Variants in CTNNA2 observed in about 807,000 individuals in gnomAD.
The protein encoded by CTNNA2 is catenin alpha 2.
CTNNA2 carries 42 observed loss-of-function variants against 101.0 expected under a neutral mutation model. The observed-to-expected ratio is 0.42, with a 90% CI of 0.32 to 0.54. The LOEUF (loss-of-function observed/expected upper bound fraction) is 0.54. CTNNA2 is among the 20% of genes least tolerant of loss of function. The pLI is 0.14. For missense variants in CTNNA2, 871 were observed against 1,223.1 expected (o/e 0.71, Z 4.29); for synonymous variants, 450 against 456.4 (o/e 0.99, Z 0.18).
At chr2:80,173,000 A>T (rs967034645) in intron 7 of CTNNA2, among the ~76,000 whole-genome samples, 1 of 152,228 alleles carries the variant, frequency 6.6e-6, no homozygotes, top group African/African-American at 2.4e-5. Context: ...GTACTTTAAC[A>T]TATAAATTTG....
chr2:79,508,192 A>G (rs1278820660), upstream of CTNNA2, among the ~76,000 whole-genome samples: 1 of 152,166 alleles, frequency 6.6e-6, no homozygotes, highest in Non-Finnish European at 1.5e-5. Context: ...AATATTTTTG[A>G]TGATCCCCTG....
intron 2 of CTNNA2, among the ~76,000 whole-genome samples, chr2:79,282,405 C>T (rs1329693183): frequency 7.9e-5 from 12 of 152,100 alleles, no homozygotes; most frequent in East Asian, 3.9e-4. Context: ...TATCCCTCCC[C>T]GCTCCCCCCA....
intron 3 of CTNNA2, among the ~76,000 whole-genome samples, chr2:79,357,610 A>G (rs947518654): frequency 6.6e-6 from 1 of 152,188 alleles, no homozygotes; most frequent in Non-Finnish European, 1.5e-5. Flanking sequence ...AAGACAGCCA[A>G]CCAAAGACTC....
In CTNNA2 at chr2:79,271,517, G is replaced by A. The variant is rs575427527; in HGVS notation, c.-405-41192G>A. 2.0e-5 allele frequency among the ~76,000 whole-genome samples: 3 copies of A among 152,226 alleles called. No homozygotes were observed. The South Asian group carries it at 6.2e-4, about 32-fold the overall frequency. ...ATTTATTCCTTATGAAGTAGCTAAT[G>A]TGATTAGCTTTTTGGTATGTGTGCA... is the stretch of plus-strand genomic sequence containing the variant. On this transcript the variant is annotated intron_variant, in intron 2 of 21. Transcript: ENST00000466387.
intron 7 of CTNNA2, among the ~76,000 whole-genome samples, chr2:80,204,746 C>A (rs997431825): frequency 2.6e-5 from 4 of 151,862 alleles, no homozygotes; most frequent in African/African-American, 9.7e-5. Flanking sequence ...TCAGCAGCGC[C>A]CCACTCTACT....
At chr2:80,614,605 A>T (rs2149794847) in intron 17 of CTNNA2, among the ~76,000 whole-genome samples, 1 of 151,624 alleles carries the variant, frequency 6.6e-6, no homozygotes, top group South Asian at 2.1e-4. Flanking sequence ...AAGCTTCCCC[A>T]TAAGACATAT....
chr2:79,957,045 C>G (rs1689288281), intron 7 of CTNNA2, among the ~76,000 whole-genome samples: 1 of 151,860 alleles, frequency 6.6e-6, no homozygotes, highest in African/African-American at 2.4e-5. Flanking sequence ...ATCCCCAGAT[C>G]CTCTTCTGTA....
intron 1 of CTNNA2, among the ~76,000 whole-genome samples, chr2:79,605,756 T>A (rs1031418796): frequency 2.5e-4 from 38 of 151,902 alleles, no homozygotes; most frequent in Middle Eastern, 6.8e-3. Flanking sequence ...ATGATGATAA[T>A]AATAATAATA....
intron 2 of CTNNA2, among the ~76,000 whole-genome samples, chr2:79,735,114 A>G (rs961007117): frequency 2.0e-5 from 3 of 152,094 alleles, no homozygotes; most frequent in African/African-American, 7.2e-5. Context: ...TCCTTAAGCA[A>G]ACTAAATGTT....
chr2:79,533,299 C>T (rs1340275427), intron 1 of CTNNA2, among the ~76,000 whole-genome samples: 1 of 152,072 alleles, frequency 6.6e-6, no homozygotes, highest in Non-Finnish European at 1.5e-5. Flanking sequence ...AAGCTTTATT[C>T]ATCTAAGTAT....
At chr2:79,393,333 C>A (rs1315493916) in intron 4 of CTNNA2, among the ~76,000 whole-genome samples, 1 of 152,160 alleles carries the variant, frequency 6.6e-6, no homozygotes, top group Non-Finnish European at 1.5e-5. Context: ...GCGTCAAGTG[C>A]AAAGTTCTGC....
At chr2:80,542,814 T>G (rs1691690160) in intron 9 of CTNNA2, among the ~76,000 whole-genome samples, 1 of 152,162 alleles carries the variant, frequency 6.6e-6, no homozygotes, top group Admixed American at 6.5e-5. Flanking sequence ...TTTAATTGAA[T>G]ATTAAAAGGT....
At chr2:80,522,976 G>A (rs1467764459) in intron 9 of CTNNA2, among the ~76,000 whole-genome samples, 1 of 152,156 alleles carries the variant, frequency 6.6e-6, no homozygotes, top group Non-Finnish European at 1.5e-5. Flanking sequence ...TGCATTTGGG[G>A]TGATTGTGCA....
At chr2:79,786,616 A>C (rs191355934) in intron 3 of CTNNA2, among the ~76,000 whole-genome samples, 1 of 152,120 alleles carries the variant, frequency 6.6e-6, no homozygotes, top group Non-Finnish European at 1.5e-5. Context: ...GTTAGAATAC[A>C]CTAAGAAATT....
chr2:79,842,949 A>G (rs1404230558), intron 3 of CTNNA2, among the ~76,000 whole-genome samples: 1 of 149,608 alleles, frequency 6.7e-6, no homozygotes, highest in African/African-American at 2.5e-5. Flanking sequence ...GACATTGTTT[A>G]ATCTCAAAGA....
rs537601566 is a variant in CTNNA2, at chr2:79,210,697, C to T, written c.-406+12621C>T. Among the ~76,000 whole-genome samples, 137 of 152,210 alleles carry T rather than the reference C, an allele frequency of 9.0e-4. 1 individual carries two copies. The highest frequency in any genetic ancestry group is 2.8e-3 in the African/African-American group (116 of 41,524). On this transcript the variant is annotated intron_variant, in intron 2 of 21. Coordinates refer to the CTNNA2 transcript ENST00000466387. ...CAGAGTGTCTACTCTAGTTGGTTGC[C>T]AGGAGCCCTGCACCAAGTTACTCCT...
intron 2 of CTNNA2, among the ~76,000 whole-genome samples, chr2:79,732,871 A>G (rs962885223): frequency 2.0e-5 from 3 of 152,082 alleles, no homozygotes; most frequent in Non-Finnish European, 4.4e-5. Context: ...CCTGGCTTCC[A>G]TGTTTGCCAG....
chr2:80,553,863 T>C (rs902899029), intron 11 of CTNNA2, among the ~76,000 whole-genome samples: 2 of 152,200 alleles, frequency 1.3e-5, no homozygotes, highest in African/African-American at 4.8e-5. Flanking sequence ...TCCTTTTAGG[T>C]ATATACTGTG....
At chr2:80,451,460 T>C (rs533851014) in intron 9 of CTNNA2, among the ~76,000 whole-genome samples, 2 of 152,316 alleles carry the variant, frequency 1.3e-5, no homozygotes, top group African/African-American at 4.8e-5. Flanking sequence ...CAATTAAACC[T>C]TTATAAATTA....
Sources: gnomAD v4.1 joint callset for allele counts (sites outside exome capture counted in the v4.1 genomes callset) on GRCh38, gnomAD v4.1.1 for gene constraint, MANE v1.5 for transcripts, NCBI Gene and HGNC (gene_info 2026-07-23, HGNC 2026-07-21) for gene names.